The following DCLK1 variants were observed in gnomAD, a reference collection of about 807,000 sequenced individuals.
The protein encoded by DCLK1 is doublecortin like kinase 1.
DCLK1 carries 16 observed loss-of-function variants against 86.2 expected under a neutral mutation model. The observed-to-expected ratio is 0.19, with a 90% confidence interval of 0.13 to 0.28. The LOEUF is 0.28. Among genes scored for constraint, DCLK1 ranks in the 10% least tolerant of loss-of-function variants. The pLI is 1.00. For synonymous variants in DCLK1, 369 were observed against 370.5 expected, an observed-to-expected ratio of 1.00 and a Z score of 0.05; for missense variants, 590 against 940.2, an observed-to-expected ratio of 0.63 and a Z score of 4.87.
At chr13:36,123,991 A>G (rs73165333) in intron 2 of DCLK1, among the ~76,000 whole-genome samples, 24,956 of 152,192 alleles carry the variant, frequency 0.16, 2,314 homozygotes, top group Middle Eastern at 0.21. Flanking sequence ...CTAAGTAAAG[A>G]TCATTTCTGG....
At chr13:35,784,617 G>A (rs1285334403) in intron 16 of DCLK1, among the ~76,000 whole-genome samples, 1 of 152,180 alleles carries the variant, frequency 6.6e-6, no homozygotes, top group African/African-American at 2.4e-5. Flanking sequence ...AGTTTGAGTG[G>A]TTTTGAAGTT....
At chr13:36,007,601 G>A (rs553372123) in intron 3 of DCLK1, among the ~76,000 whole-genome samples, 56 of 152,228 alleles carry the variant, frequency 3.7e-4, no homozygotes, top group East Asian at 7.7e-4. Flanking sequence ...TAAGGGAACC[G>A]GAAGATATTC....
chr13:35,875,170 A>G (rs945542465), intron 4 of DCLK1, among the ~76,000 whole-genome samples: 3 of 152,210 alleles, frequency 2.0e-5, no homozygotes, highest in Non-Finnish European at 4.4e-5. Flanking sequence ...AGTAACATTC[A>G]ATTTTCTCAT....
chr13:36,087,163 C>T (rs6563331), intron 3 of DCLK1, among the ~76,000 whole-genome samples: 89,819 of 152,046 alleles, frequency 0.59, 26,972 homozygotes, highest in East Asian at 0.86. Flanking sequence ...ATCGCCATTC[C>T]AACTGGCATG....
At chr13:36,109,161 T>G (rs1007091132) in intron 3 of DCLK1, among the ~76,000 whole-genome samples, 1 of 152,204 alleles carries the variant, frequency 6.6e-6, no homozygotes, top group Non-Finnish European at 1.5e-5. Context: ...CCAATTCCTC[T>G]GCAGCTTTTC....
In DCLK1 at chr13:35,921,490, C is replaced by T. The variant is rs183670375; in HGVS notation, c.823+25868G>A. Among the ~76,000 whole-genome samples, 10 of 152,258 alleles carry T rather than the reference C, an allele frequency of 6.6e-5. No individual in the cohort carries two copies. The South Asian group carries it at 1.7e-3, about 25-fold the overall frequency. On this transcript the variant is annotated intron_variant, in intron 4 of 16. Coordinates refer to ENST00000360631, the MANE Select transcript of DCLK1 (RefSeq NM_001330071.2). ...AGAGAAGACTTTCCTAAAACCCAAA[C>T]CTTAGATCCACAATGCATGGTCTCA... is the stretch of plus-strand genomic sequence containing the variant.
At chr13:35,879,656 T>G (rs138618998) in intron 4 of DCLK1, among the ~76,000 whole-genome samples, 189 of 152,270 alleles carry the variant, frequency 1.2e-3, no homozygotes, top group Admixed American at 5.1e-3. Context: ...AGGGTCCCAG[T>G]TGGTTTATGT....
At chr13:35,942,314 A>C (rs565742506) in intron 4 of DCLK1, among the ~76,000 whole-genome samples, 5 of 152,022 alleles carry the variant, frequency 3.3e-5, no homozygotes, top group East Asian at 3.9e-4. Context: ...CTACAGGTGC[A>C]TGCCACCACA....
At chr13:35,908,071 T>C (rs1338123061) in intron 4 of DCLK1, among the ~76,000 whole-genome samples, 15 of 152,254 alleles carry the variant, frequency 9.9e-5, no homozygotes, top group Non-Finnish European at 1.5e-5. Context: ...GATCTTAAAA[T>C]AGGACTGTGC....
intron 5 of DCLK1, among the ~76,000 whole-genome samples, chr13:35,869,272 T>G (rs1003594127): frequency 1.3e-5 from 2 of 152,152 alleles, no homozygotes; most frequent in South Asian, 4.2e-4. Context: ...TGTGTGTGGG[T>G]GGTATCTCCC....
chr13:36,131,705 G>A (rs1461114211), upstream of DCLK1, among the ~76,000 whole-genome samples: 1 of 152,218 alleles, frequency 6.6e-6, no homozygotes, highest in East Asian at 1.9e-4. Flanking sequence ...AAGGCACAGA[G>A]GTGATATGGC....
chr13:35,787,555 T>C (rs2086646178), intron 16 of DCLK1, among the ~76,000 whole-genome samples: 3 of 152,116 alleles, frequency 2.0e-5, no homozygotes, highest in Admixed American at 1.3e-4. Flanking sequence ...CTTGAGCAGA[T>C]AAGCCAGCTA....
chr13:36,041,267 T>A (rs1021226277), intron 3 of DCLK1, among the ~76,000 whole-genome samples: 3 of 152,172 alleles, frequency 2.0e-5, no homozygotes, highest in African/African-American at 7.2e-5. Context: ...CTTGCATCAT[T>A]TTAGTCTCCT....
chr13:35,822,578 A>C, intron 11 of DCLK1, 151 bp downstream of exon 11: 1 of 1,068,060 alleles, frequency 9.4e-7, no homozygotes, highest in South Asian at 1.6e-5. Flanking sequence ...ATCAACCTAA[A>C]AGGCTAGTTT....
intron 16 of DCLK1, among the ~76,000 whole-genome samples, chr13:35,792,039 AT>A (rs1184710800): frequency 6.6e-6 from 1 of 152,242 alleles, no homozygotes; most frequent in Non-Finnish European, 1.5e-5. Context: ...TCTATGGAAG[AT>A]GTAAAGGTTA....
At chr13:35,924,398 C>A (rs1875981126) in intron 4 of DCLK1, among the ~76,000 whole-genome samples, 1 of 152,118 alleles carries the variant, frequency 6.6e-6, no homozygotes, top group Admixed American at 6.5e-5. Flanking sequence ...GCCTGTAATC[C>A]CAGCACTTTC....
intron 3 of DCLK1, among the ~76,000 whole-genome samples, chr13:36,101,952 AG>A (rs1377370515): frequency 6.6e-6 from 1 of 152,150 alleles, no homozygotes; most frequent in African/African-American, 2.4e-5. Context: ...CGTGTTGGCC[AG>A]GCTGGTCTCG....
intron 3 of DCLK1, among the ~76,000 whole-genome samples, chr13:36,032,343 A>G (rs921437791): frequency 6.6e-6 from 1 of 151,894 alleles, no homozygotes; most frequent in Non-Finnish European, 1.5e-5. Context: ...GGGTTTCACC[A>G]TGTTGGCCAG....
intron 6 of DCLK1, chr13:35,846,727 GCA>G: frequency 1.0e-6 from 1 of 985,204 alleles, no homozygotes; most frequent in Non-Finnish European, 1.2e-6. Context: ...TCACTAACAT[GCA>G]CAAATAGAGA....
Sources: allele counts gnomAD v4.1 joint callset (sites outside exome capture counted in the v4.1 genomes callset), GRCh38; gene constraint gnomAD v4.1.1; transcripts MANE v1.5; gene names NCBI Gene and HGNC (gene_info 2026-07-23, HGNC 2026-07-21).